The following RPTOR variants were observed in gnomAD, a reference collection of about 807,000 sequenced individuals.
RPTOR encodes regulatory-associated protein of mTOR.
A neutral mutation model predicts 169.9 loss-of-function variants in RPTOR; 21 were observed. The observed-to-expected ratio is 0.12, with a 90% CI of 0.09 to 0.18. The LOEUF (loss-of-function observed/expected upper bound fraction) is 0.18. Among genes scored for constraint, RPTOR ranks in the 10% least tolerant of loss-of-function variants. The pLI, the probability that RPTOR is intolerant of heterozygous loss-of-function variation, is 1.00. For missense variants in RPTOR, 1,133 were observed against 1,855.9 expected (o/e 0.61, Z 7.16); for synonymous variants, 732 against 753.2 (o/e 0.97, Z 0.46).
chr17:80,601,317 C>T (rs528874875), intron 1 of RPTOR, among the ~76,000 whole-genome samples: 2 of 149,906 alleles, frequency 1.3e-5, no homozygotes, highest in Non-Finnish European at 2.9e-5. Flanking sequence ...AATTCCTGCC[C>T]CTGCAGGAAG....
chr17:80,952,558 G>GCA (rs1462453544), intron 28 of RPTOR, among the ~76,000 whole-genome samples: 1 of 152,222 alleles, frequency 6.6e-6, no homozygotes, highest in African/African-American at 2.4e-5. Flanking sequence ...TCAGGCACAC[G>GCA]CAAGCCAGGC....
intron 3 of RPTOR, among the ~76,000 whole-genome samples, chr17:80,649,852 A>G (rs1248760041): frequency 1.3e-5 from 2 of 152,118 alleles, no homozygotes; most frequent in African/African-American, 2.4e-5. Flanking sequence ...ACTCTGATTC[A>G]TGCTCTTCAG....
intron 1 of RPTOR, among the ~76,000 whole-genome samples, chr17:80,605,157 T>TGGGGCTC (rs1447651026): frequency 2.6e-5 from 4 of 152,188 alleles, no homozygotes; most frequent in Non-Finnish European, 5.9e-5. Flanking sequence ...TCAGATGCCC[T>TGGGGCTC]GGGGCTCGGG....
chr17:80,785,710 G>T (rs373679676), intron 6 of RPTOR, among the ~76,000 whole-genome samples: 3 of 152,162 alleles, frequency 2.0e-5, no homozygotes, highest in African/African-American at 7.2e-5. Context: ...ACTGAGTTGG[G>T]TATGACAAGA....
intron 6 of RPTOR, among the ~76,000 whole-genome samples, chr17:80,776,977 G>A (rs753486019): frequency 2.0e-5 from 3 of 152,100 alleles, no homozygotes; most frequent in Non-Finnish European, 4.4e-5. Flanking sequence ...GGTGGCTCAC[G>A]CCTGTAATCC....
intron 6 of RPTOR, among the ~76,000 whole-genome samples, chr17:80,782,796 G>A (rs2066954911): frequency 6.6e-6 from 1 of 152,182 alleles, no homozygotes; most frequent in Non-Finnish European, 1.5e-5. Context: ...GGCAGCCTGA[G>A]TATTATTCCC....
chr17:80,798,890 C>A (rs2067127824), intron 7 of RPTOR, among the ~76,000 whole-genome samples: 1 of 152,140 alleles, frequency 6.6e-6, no homozygotes, highest in Non-Finnish European at 1.5e-5. Flanking sequence ...CTGGGTGACA[C>A]CCCCGTGTCC....
Position 80,883,900 on chromosome 17 carries a change from G to C in RPTOR, c.1770G>C (p.Ser590=), listed in dbSNP as rs61753566. The change falls in exon 16 of 34, where the codon TCG becomes TCC. Residue 590 remains serine (S), a synonymous_variant. Transcript: ENST00000306801. ...GCAGGATCTGGCAGAACTTCGACTC[G>C]GCGAGGTGGTGCGGCGTGAGGGACA... ...CLGRIWQNFD[S]ARWCGVRDSA... 37 of 1,613,488 alleles carry C rather than the reference G, an allele frequency of 2.3e-5. No homozygotes were observed. The highest frequency in any genetic ancestry group is 3.1e-5 in the Non-Finnish European group (37 of 1,180,048).
At chr17:80,871,262 C>T (rs1052390295) in intron 13 of RPTOR, among the ~76,000 whole-genome samples, 7 of 152,126 alleles carry the variant, frequency 4.6e-5, no homozygotes, top group East Asian at 1.9e-4. Flanking sequence ...CCCGCCACCA[C>T]GCCCGGCTAA....
intron 21 of RPTOR, among the ~76,000 whole-genome samples, chr17:80,918,136 C>G (rs562837494): frequency 1.3e-5 from 2 of 152,226 alleles, no homozygotes; most frequent in African/African-American, 4.8e-5. Context: ...TGCTCATTCC[C>G]CTCACTGCAG....
rs561005486 is a variant in RPTOR at position 80,615,563 on chromosome 17, C to T, written c.163-10128C>T. Among the ~76,000 whole-genome samples, 13 of 152,306 alleles carry T rather than the reference C, an allele frequency of 8.5e-5. 1 individual carries two copies. The South Asian group carries it at 2.3e-3, about 27-fold the overall frequency. On this transcript the variant is annotated intron_variant, in intron 1 of 33. Transcript: ENST00000306801. ...GGGCATCTTAATGGACGGCTTATTA[C>T]TAGGTTTTCAGCTGTGCAAGACCTT...
chr17:80,964,339 C>T lies in RPTOR; in HGVS notation c.*9C>T. On this transcript the variant is annotated 3_prime_UTR_variant, in exon 34 of 34. Coordinates refer to ENST00000306801, the MANE Select transcript of RPTOR (RefSeq NM_020761.3). ...AGAAGCGTGTCAGATAGCGGCGTGACCCGGGCCCACCAGGCCACGGCCGCC... is the reference window on the plus strand; with the variant it reads ...AGAAGCGTGTCAGATAGCGGCGTGATCCGGGCCCACCAGGCCACGGCCGCC... 6.2e-7 allele frequency: 1 copy of T among 1,605,266 alleles called. No homozygotes were observed. The highest frequency in any genetic ancestry group is 1.1e-5 in the South Asian group (1 of 91,086).
chr17:80,781,104 T>C, intron 6 of RPTOR, among the ~76,000 whole-genome samples: 1 of 152,132 alleles, frequency 6.6e-6, no homozygotes, highest in Non-Finnish European at 1.5e-5. Context: ...GGAAGGATAA[T>C]AACACACATC....
At chr17:80,898,675 CA>C (rs2068437360) in intron 20 of RPTOR, among the ~76,000 whole-genome samples, 4 of 118,914 alleles carry the variant, frequency 3.4e-5, no homozygotes, top group African/African-American at 9.5e-5. Flanking sequence ...CCGCTCCCCC[CA>C]CCCCCCGCCG....
rs914440267 is a variant in RPTOR at position 80,633,111 on chromosome 17, G to GA, written c.265+7326dup. Among the ~76,000 whole-genome samples the GA allele has an allele frequency of 4.6e-5, 7 of 151,778 alleles. No individual in the cohort carries two copies. The highest frequency in any genetic ancestry group is 2.1e-4 in the South Asian group (1 of 4,814). ...CCACACTAGGCCCATTTTTCATTTT[G>GA]AAAAAAAAGTTCCAAAAGTTGCAAG... is the stretch of plus-strand genomic sequence containing the variant. On this transcript the variant is annotated intron_variant, in intron 2 of 33. Coordinates refer to ENST00000306801, the MANE Select transcript of RPTOR (RefSeq NM_020761.3). This position sits in a 1 kb window ranked among gnomAD's most constrained non-coding sequence, Gnocchi z 4.1.
chr17:80,728,339 C>T (rs2066358150), intron 4 of RPTOR, among the ~76,000 whole-genome samples: 1 of 152,032 alleles, frequency 6.6e-6, no homozygotes, highest in Middle Eastern at 3.2e-3. Flanking sequence ...ATCAGTCAGT[C>T]TCAAGACTTA....
chr17:80,615,300 C>T (rs1215777196), intron 1 of RPTOR, among the ~76,000 whole-genome samples: 2 of 152,286 alleles, frequency 1.3e-5, no homozygotes, highest in East Asian at 3.9e-4. Context: ...GGGTGCTCAC[C>T]TCCCTGTGGA....
chr17:80,548,004 A>G (rs184841203), intron 1 of RPTOR, among the ~76,000 whole-genome samples: 141 of 151,698 alleles, frequency 9.3e-4, no homozygotes, highest in African/African-American at 3.0e-3. Flanking sequence ...ATACTAATTC[A>G]GATTTATTAC....
In RPTOR at chr17:80,947,147, T is replaced by C. The variant is rs9892471; in HGVS notation, c.3141-80T>C. 3.7e-3 allele frequency: 5,035 copies of C among 1,368,470 alleles called. 160 individuals are homozygous for C. In the African/African-American group the frequency reaches 0.066, roughly 18 times the overall value. The allele number at this position is 1,368,470 out of a possible 1,614,324, so 84.8% of individuals were successfully genotyped here. Reference sequence around the variant, plus strand: ...GTGTGGTTTTTTGATAGCAGCCCGGTGGGTTTCAGGAGGTATCTCACTGTC... The same window carrying C: ...GTGTGGTTTTTTGATAGCAGCCCGGCGGGTTTCAGGAGGTATCTCACTGTC... On this transcript the variant is annotated intron_variant, in intron 26 of 33. Transcript: ENST00000306801. This position sits in a 1 kb window ranked among gnomAD's most constrained non-coding sequence, Gnocchi z 4.4.
Sources: gnomAD v4.1 joint callset for allele counts (sites outside exome capture counted in the v4.1 genomes callset) on GRCh38, gnomAD v4.1.1 for gene constraint, Gnocchi (gnomAD v3.1) non-coding constraint, MANE v1.5 for transcripts, NCBI Gene and HGNC (gene_info 2026-07-23, HGNC 2026-07-21) for gene names.